The following SLCO4A1 variants were observed in gnomAD, a reference collection of about 807,000 sequenced individuals.
The protein encoded by SLCO4A1 is colon organic anion transporter.
SLCO4A1 carries 51 observed loss-of-function variants against 64.6 expected under a neutral mutation model. The ratio of observed to expected loss-of-function variants is 0.79; its 90% CI spans 0.63 to 1.00. The LOEUF (loss-of-function observed/expected upper bound fraction) is 1.00, where lower values mean the gene tolerates loss of function less well. SLCO4A1 is among the 50% of genes least tolerant of loss of function. The probability of loss-of-function intolerance (pLI) is 0.00; values close to 1 mark genes in which losing one functional copy is unlikely to be tolerated. For missense variants in SLCO4A1, 919 were observed against 980.5 expected (o/e 0.94, Z 0.84); for synonymous variants, 471 against 444.9 (o/e 1.06, Z -0.74).
intron 2 of SLCO4A1, among the ~76,000 whole-genome samples, chr20:62,657,461 C>T (rs908428720): frequency 5.9e-5 from 9 of 152,356 alleles, no homozygotes; most frequent in African/African-American, 2.2e-4. Context: ...TCATGTGGAC[C>T]CTGCTCAGGG....
At chr20:62,690,480 G>C (rs1988191792), downstream of SLCO4A1, among the ~76,000 whole-genome samples, 1 of 152,192 alleles carries the variant, frequency 6.6e-6, no homozygotes, top group African/African-American at 2.4e-5. Flanking sequence ...CCTCCACCGA[G>C]CCGCAGGCCA....
chr20:62,674,836 G>C (rs1377357995), downstream of SLCO4A1, among the ~76,000 whole-genome samples: 1 of 152,194 alleles, frequency 6.6e-6, no homozygotes, highest in Non-Finnish European at 1.5e-5. Context: ...TCTATGTGCT[G>C]ACACGACTAG....
chr20:62,666,277 T>C (rs2147098525), intron 6 of SLCO4A1, 103 bp from the exon 7 acceptor site: 4 of 954,668 alleles, frequency 4.2e-6, no homozygotes, highest in East Asian at 2.5e-5. Flanking sequence ...GATCCCTCTA[T>C]GCCTCAGTTT....
At chr20:62,688,418 C>T (rs1988133754), downstream of SLCO4A1, among the ~76,000 whole-genome samples, 1 of 152,196 alleles carries the variant, frequency 6.6e-6, no homozygotes, top group African/African-American at 2.4e-5. Flanking sequence ...CCTGACCCTG[C>T]TCACCCCAAC....
At chr20:62,655,241 AC>A (rs1983431534) in intron 1 of SLCO4A1, among the ~76,000 whole-genome samples, 1 of 142,830 alleles carries the variant, frequency 7.0e-6, no homozygotes, top group African/African-American at 2.6e-5. Flanking sequence ...CCCGGGAAGG[AC>A]CCTCCCAGGG....
intron 2 of SLCO4A1, among the ~76,000 whole-genome samples, chr20:62,682,505 G>T (rs1457157814): frequency 1.3e-5 from 2 of 152,242 alleles, no homozygotes; most frequent in Non-Finnish European, 2.9e-5. Flanking sequence ...GGACAGATGA[G>T]CATGGAGACC....
At chr20:62,681,183 G>C (rs1430310009) in intron 2 of SLCO4A1, among the ~76,000 whole-genome samples, 1 of 152,124 alleles carries the variant, frequency 6.6e-6, no homozygotes, top group Non-Finnish European at 1.5e-5. Flanking sequence ...ACCCTTCCTG[G>C]CCTTCTTTTC....
intron 7 of SLCO4A1, among the ~76,000 whole-genome samples, chr20:62,667,185 G>A (rs935019765): frequency 6.6e-6 from 1 of 152,256 alleles, no homozygotes; most frequent in Non-Finnish European, 1.5e-5. Context: ...ACAAAGGAGT[G>A]GAGGAAGCTC....
chr20:62,665,177 CAG>C (rs1985874438), intron 6 of SLCO4A1, 89 bp downstream of exon 6: 2 of 1,449,298 alleles, frequency 1.4e-6, no homozygotes, highest in African/African-American at 2.8e-5. Flanking sequence ...AAGACCCAGA[CAG>C]GGCACATGGC....
Position 62,658,693 on chromosome 20 carries a change from G to A in SLCO4A1, c.813G>A (p.Ala271=), listed in dbSNP as rs140292364. The A allele has an allele frequency of 4.2e-5, 67 of 1,611,352 alleles. No homozygotes were observed. The highest frequency in any genetic ancestry group is 5.1e-5 in the Non-Finnish European group (60 of 1,179,272). The change falls in exon 3 of 12, where the codon GCG becomes GCA. Residue 271 remains alanine, a synonymous_variant. Transcript: ENST00000217159. ...CTCTCGCAGCCATCTTCTACACAGC[G>A]GCCATCCTGGGCCCAGCTGCCGGCT... is the stretch of plus-strand genomic sequence containing the variant. ...SPVYIAIFYT[A]AILGPAAGYL...
In SLCO4A1 at chr20:62,661,202, T is replaced by A. The variant is rs377647585; in HGVS notation, c.1121+27T>A. On this transcript the variant is annotated intron_variant, in intron 5 of 11. Coordinates refer to ENST00000217159, the MANE Select transcript of SLCO4A1 (RefSeq NM_016354.4). This position sits in a 1 kb window ranked among gnomAD's most constrained non-coding sequence, Gnocchi z 5.2. ...TAAGGACCGGAGTCGGGAGGGTTCC[T>A]AGTGTCCTCAGACCCTTTAATGGTC... is the stretch of plus-strand genomic sequence containing the variant. The A allele has an allele frequency of 6.6e-7, 1 of 1,520,034 alleles. No individual in the cohort carries two copies. The highest frequency in any genetic ancestry group is 9.1e-7 in the Non-Finnish European group (1 of 1,095,294). 94.2% of individuals were successfully genotyped at this position (1,520,034 alleles called of 1,614,324 possible).
intron 1 of SLCO4A1, among the ~76,000 whole-genome samples, chr20:62,655,632 C>T (rs531429036): frequency 6.6e-6 from 1 of 152,284 alleles, no homozygotes; most frequent in African/African-American, 2.4e-5. Flanking sequence ...CACGTGGGCA[C>T]GTTCTCCTGG....
Position 62,657,220 on chromosome 20 carries a change from G to A in SLCO4A1, c.766G>A (p.Val256Ile), listed in dbSNP as rs1457297053. The A allele has an allele frequency of 1.7e-5, 26 of 1,538,420 alleles. No individual in the cohort carries two copies. Among genetic ancestry groups the A allele is most frequent in the Non-Finnish European group, 2.3e-5 (26 of 1,137,872 alleles). Reference protein sequence around the residue: ...TLGVTYLDENVKSSCSPVYIA... With the variant: ...TLGVTYLDENIKSSCSPVYIA... Reference sequence around the variant, plus strand: ...GGGCGTCACCTACCTGGATGAGAACGTCAAGTCCAGCTGCTCGCCCGTCTA... The same window carrying A: ...GGGCGTCACCTACCTGGATGAGAACATCAAGTCCAGCTGCTCGCCCGTCTA... Residue 256 changes from valine (V) to isoleucine (I), a missense_variant, in exon 2 of 12, where the codon GTC (valine) becomes ATC (isoleucine). Physicochemically the swap from Val to Ile is conservative, Grantham distance 29 (BLOSUM62 3). Transcript: ENST00000217159.
At chr20:62,653,360 C>T (rs1447407632) in intron 1 of SLCO4A1, among the ~76,000 whole-genome samples, 1 of 152,200 alleles carries the variant, frequency 6.6e-6, no homozygotes. Flanking sequence ...CTTGCCTGGA[C>T]CTGGGGGAGA....
chr20:62,687,435 G>T (rs1988103548), downstream of SLCO4A1, among the ~76,000 whole-genome samples: 1 of 152,250 alleles, frequency 6.6e-6, no homozygotes, highest in Admixed American at 6.5e-5. Flanking sequence ...ACCACGCAGT[G>T]GCGTCCAGGG....
rs192810050 is a variant in SLCO4A1 at position 62,678,370 on chromosome 20, C to T, written n.212-7071C>T. On this transcript the variant is annotated intron_variant and non_coding_transcript_variant, in intron 2 of 2. Coordinates refer to the SLCO4A1 transcript ENST00000466818. ...GGTGGCTGGAACACTCACCCGTCGCCGGTAGACGTGGAGAGCAATACGGCC... is the reference window on the plus strand; with the variant it reads ...GGTGGCTGGAACACTCACCCGTCGCTGGTAGACGTGGAGAGCAATACGGCC... Among the ~76,000 whole-genome samples the T allele has an allele frequency of 2.6e-4, 40 of 152,222 alleles. No individual in the cohort carries two copies. In the East Asian group the frequency reaches 5.0e-3, roughly 19 times the overall value.
intron 2 of SLCO4A1, among the ~76,000 whole-genome samples, chr20:62,657,864 A>G (rs1984024308): frequency 6.6e-6 from 1 of 152,240 alleles, no homozygotes; most frequent in Middle Eastern, 3.2e-3. Flanking sequence ...AACATGAAGC[A>G]GCTCATGGCT....
intron 1 of SLCO4A1, among the ~76,000 whole-genome samples, chr20:62,647,383 T>A (rs2147057848): frequency 6.6e-6 from 1 of 152,202 alleles, no homozygotes; most frequent in Non-Finnish European, 1.5e-5. Context: ...GAGGAGGGAC[T>A]CGGCTTTGCC....
chr20:62,658,004 C>T, intron 2 of SLCO4A1, among the ~76,000 whole-genome samples: 1 of 152,098 alleles, frequency 6.6e-6, no homozygotes, highest in East Asian at 1.9e-4. Context: ...TAGGGAAGCC[C>T]CATGGCCCGT....
Sources: gnomAD v4.1 joint callset for allele counts (sites outside exome capture counted in the v4.1 genomes callset) on GRCh38, gnomAD v4.1.1 for gene constraint, Gnocchi (gnomAD v3.1) non-coding constraint, MANE v1.5 for transcripts, NCBI Gene and HGNC (gene_info 2026-07-23, HGNC 2026-07-21) for gene names.